The following CHST9 variants were observed in gnomAD, a reference collection of about 807,000 sequenced individuals.
CHST9 encodes carbohydrate sulfotransferase 9, also known as GalNAc-4-sulfotransferase 2.
CHST9 carries 41 observed loss-of-function variants against 44.4 expected under a neutral mutation model. That is an observed-to-expected ratio of 0.92 (90% confidence interval 0.72 to 1.20). CHST9 has a LOEUF of 1.20. Among genes scored for constraint, CHST9 ranks in the 50% most tolerant of loss-of-function variants. The pLI, the probability that CHST9 is intolerant of heterozygous loss-of-function variation, is 0.00. For synonymous variants in CHST9, 171 were observed against 178.4 expected, an observed-to-expected ratio of 0.96 and a Z score of 0.33; for missense variants, 504 against 516.5, an observed-to-expected ratio of 0.98 and a Z score of 0.23.
chr18:27,031,348 C>A (rs551873837), intron 3 of CHST9, among the ~76,000 whole-genome samples: 32 of 152,234 alleles, frequency 2.1e-4, no homozygotes, highest in African/African-American at 7.5e-4. Context: ...TATATGGACA[C>A]TTCTTCCTGC....
chr18:26,927,510 G>A (rs1442371513), intron 5 of CHST9, among the ~76,000 whole-genome samples: 1 of 152,078 alleles, frequency 6.6e-6, no homozygotes, highest in Non-Finnish European at 1.5e-5. Context: ...TGGGGAGAGG[G>A]TCAGCAGGAA....
At chr18:27,007,299 T>C (rs916112149) in intron 4 of CHST9, among the ~76,000 whole-genome samples, 1 of 152,164 alleles carries the variant, frequency 6.6e-6, no homozygotes, top group Non-Finnish European at 1.5e-5. Flanking sequence ...GTAAAATTGA[T>C]AGATAGCCCT....
chr18:27,027,544 G>A (rs767171198), intron 3 of CHST9, among the ~76,000 whole-genome samples: 9 of 151,996 alleles, frequency 5.9e-5, no homozygotes, highest in African/African-American at 9.7e-5. Flanking sequence ...TTTTAAAATC[G>A]CCTGGATGCG....
intron 4 of CHST9, among the ~76,000 whole-genome samples, chr18:27,002,992 T>C (rs1218681587): frequency 6.6e-6 from 1 of 152,168 alleles, no homozygotes; most frequent in Non-Finnish European, 1.5e-5. Flanking sequence ...ACCACATGGG[T>C]TGGCTAACTA....
chr18:27,068,328 ATTTCT>A (rs1300466759), intron 2 of CHST9, among the ~76,000 whole-genome samples: 1 of 151,286 alleles, frequency 6.6e-6, no homozygotes, highest in Non-Finnish European at 1.5e-5. Context: ...CTATTCATTT[ATTTCT>A]TTTATTTCTT....
chr18:27,101,262 T>G (rs1232438095), intron 2 of CHST9, among the ~76,000 whole-genome samples: 1 of 152,140 alleles, frequency 6.6e-6, no homozygotes, highest in Non-Finnish European at 1.5e-5. Context: ...ATATATATAA[T>G]TTTTTTGACT....
chr18:27,034,130 T>C (rs1213477400), intron 3 of CHST9, among the ~76,000 whole-genome samples: 8 of 152,196 alleles, frequency 5.3e-5, no homozygotes, highest in African/African-American at 9.7e-5. Context: ...ATAAATAAAA[T>C]AGAAATCTCC....
At chr18:27,027,423 A>T (rs2057294926) in intron 3 of CHST9, among the ~76,000 whole-genome samples, 1 of 152,244 alleles carries the variant, frequency 6.6e-6, no homozygotes, top group South Asian at 2.1e-4. Context: ...CAAAGAAAAA[A>T]ATAATCACAG....
intron 4 of CHST9, among the ~76,000 whole-genome samples, chr18:26,952,990 C>G (rs2056272005): frequency 6.6e-6 from 1 of 152,278 alleles, no homozygotes; most frequent in Middle Eastern, 3.4e-3. Flanking sequence ...TTAATCACTG[C>G]TATACTCCCT....
intron 2 of CHST9, among the ~76,000 whole-genome samples, chr18:27,104,294 G>A (rs1235000729): frequency 6.6e-6 from 1 of 152,212 alleles, no homozygotes; most frequent in Non-Finnish European, 1.5e-5. Flanking sequence ...CACAGTGTCT[G>A]AACAAGGAGT....
chr18:26,944,318 T>C lies in CHST9; in HGVS notation c.240+11A>G. The C allele has an allele frequency of 6.2e-7, 1 of 1,601,350 alleles. No individual in the cohort carries two copies. Among genetic ancestry groups the C allele is most frequent in the Non-Finnish European group, 8.6e-7 (1 of 1,168,980 alleles). Reference sequence around the variant, plus strand: ...ATTCTATATTAGAGTTTACGAGAAATGAGAGAATACCTGGTTGGTGATATG... The same window carrying C: ...ATTCTATATTAGAGTTTACGAGAAACGAGAGAATACCTGGTTGGTGATATG... On this transcript the variant is annotated intron_variant, in intron 5 of 5. Transcript: ENST00000618847.
chr18:26,984,576 G>A (rs1365937277), intron 4 of CHST9, among the ~76,000 whole-genome samples: 1 of 151,742 alleles, frequency 6.6e-6, no homozygotes, highest in Non-Finnish European at 1.5e-5. Flanking sequence ...AGAATAAAAG[G>A]AAAATTTATC....
At chr18:26,988,847 G>C (rs1218728522) in intron 4 of CHST9, among the ~76,000 whole-genome samples, 1 of 151,998 alleles carries the variant, frequency 6.6e-6, no homozygotes, top group African/African-American at 2.4e-5. Context: ...ATGTTTTCTG[G>C]CCATAATGGA....
chr18:27,014,896 C>T (rs890736501), intron 4 of CHST9, among the ~76,000 whole-genome samples: 10 of 152,068 alleles, frequency 6.6e-5, no homozygotes, highest in African/African-American at 2.4e-4. Context: ...TTTAGGGTCT[C>T]TCTCTTTTCT....
chr18:26,936,611 G>C (rs2055997213), intron 5 of CHST9: 1 of 152,128 alleles, frequency 6.6e-6, no homozygotes, highest in African/African-American at 2.4e-5. Flanking sequence ...TCGTTGCTAT[G>C]TGTTGAGAGA....
intron 4 of CHST9, among the ~76,000 whole-genome samples, chr18:26,993,774 A>C (rs1234728905): frequency 6.6e-6 from 1 of 152,236 alleles, no homozygotes; most frequent in Non-Finnish European, 1.5e-5. Context: ...CTGTGAACTG[A>C]GATTGCACAG....
At chr18:27,137,511 G>A (rs1434579032) in intron 2 of CHST9, among the ~76,000 whole-genome samples, 1 of 152,052 alleles carries the variant, frequency 6.6e-6, no homozygotes, top group Non-Finnish European at 1.5e-5. Flanking sequence ...GTTTAGCAGA[G>A]GAAGAGAGGC....
At chr18:27,125,982 T>G (rs960466227) in intron 2 of CHST9, among the ~76,000 whole-genome samples, 1 of 152,220 alleles carries the variant, frequency 6.6e-6, no homozygotes, top group Non-Finnish European at 1.5e-5. Context: ...CTAATCTGAA[T>G]AGTAAATTGT....
chr18:26,948,032 T>A (rs1375726538), intron 4 of CHST9, among the ~76,000 whole-genome samples: 1 of 151,974 alleles, frequency 6.6e-6, no homozygotes, highest in African/African-American at 2.4e-5. Flanking sequence ...ATAAAGAAAA[T>A]GTGGCACATA....
Sources: gnomAD v4.1 joint callset for allele counts (sites outside exome capture counted in the v4.1 genomes callset) on GRCh38, gnomAD v4.1.1 for gene constraint, MANE v1.5 for transcripts, NCBI Gene and HGNC (gene_info 2026-07-23, HGNC 2026-07-21) for gene names.